AKAP13: variants seen among roughly 807,000 people sequenced by gnomAD.
AKAP13 encodes the protein A-kinase anchor protein 13.
In AKAP13, 80 loss-of-function variants were observed where a neutral mutation model predicts 264.5. That is an observed-to-expected ratio of 0.30 (90% CI 0.25 to 0.36). The LOEUF is 0.36. AKAP13 is among the 10% of genes least tolerant of loss of function. The pLI, the probability that AKAP13 is intolerant of heterozygous loss-of-function variation, is 1.00. For synonymous variants in AKAP13, 1,380 were observed against 1,250.2 expected (o/e 1.10, Z -2.19); for missense variants, 3,712 against 3,435.2 (o/e 1.08, Z -2.01).
At chr15:85,719,726 G>A (rs530722122) in intron 23 of AKAP13, among the ~76,000 whole-genome samples, 2 of 152,042 alleles carry the variant, frequency 1.3e-5, no homozygotes, top group South Asian at 4.2e-4. Context: ...CTTGAGGTCA[G>A]GAGTTCAAGA....
intron 5 of AKAP13, among the ~76,000 whole-genome samples, chr15:85,545,102 G>A (rs1052066587): frequency 6.6e-6 from 1 of 152,116 alleles, no homozygotes; most frequent in Non-Finnish European, 1.5e-5. Context: ...TGGTAGGAGG[G>A]GCACTTATCT....
chr15:85,712,168 T>G (rs143095422), intron 19 of AKAP13, among the ~76,000 whole-genome samples: 13 of 152,244 alleles, frequency 8.5e-5, no homozygotes, highest in African/African-American at 3.1e-4. Flanking sequence ...CAGGTGATTC[T>G]GATGCCCACT....
intron 14 of AKAP13, among the ~76,000 whole-genome samples, chr15:85,673,626 T>A (rs1158513152): frequency 6.6e-6 from 1 of 151,466 alleles, no homozygotes; most frequent in Admixed American, 6.6e-5. Flanking sequence ...TTTTCACATG[T>A]ATAGAATTCA....
intron 8 of AKAP13, among the ~76,000 whole-genome samples, chr15:85,586,903 G>A (rs1161526283): frequency 4.7e-5 from 7 of 149,326 alleles, no homozygotes; most frequent in Admixed American, 1.3e-4. Flanking sequence ...ACTGTAGCCT[G>A]GGCGACAGAG....
chr15:85,585,935 T>TG, intron 8 of AKAP13, 112 bp downstream of exon 8: 1 of 1,382,208 alleles, frequency 7.2e-7, no homozygotes, highest in Non-Finnish European at 9.9e-7. Context: ...AATAGTATTT[T>TG]CCCCCTTCCC....
intron 17 of AKAP13, among the ~76,000 whole-genome samples, chr15:85,696,363 C>T (rs979638004): frequency 6.6e-6 from 1 of 152,132 alleles, no homozygotes; most frequent in Non-Finnish European, 1.5e-5. Flanking sequence ...AAGAATACCC[C>T]GCTCCCTTAA....
At chr15:85,654,555 G>A (rs1175375501) in intron 10 of AKAP13, among the ~76,000 whole-genome samples, 2 of 152,040 alleles carry the variant, frequency 1.3e-5, no homozygotes, top group Admixed American at 6.6e-5. Flanking sequence ...GGCTGGTCAC[G>A]GTGGCTCAAA....
intron 9 of AKAP13, 104 bp from the exon 10 acceptor site, chr15:85,645,714 A>G (rs1015609403): frequency 1.6e-6 from 2 of 1,225,504 alleles, no homozygotes; most frequent in African/African-American, 3.1e-5. Context: ...TGAGAGAGAG[A>G]TTTAAAAGAC....
chr15:85,467,114 A>C (rs10520589), intron 1 of AKAP13, among the ~76,000 whole-genome samples: 13,539 of 151,670 alleles, frequency 0.089, 1,010 homozygotes, highest in Admixed American at 0.26. Flanking sequence ...ATGTAACTCA[A>C]TCATCCGTGT....
intron 16 of AKAP13, 67 bp downstream of exon 16, chr15:85,684,940 C>A (rs967068589): frequency 1.7e-5 from 25 of 1,510,342 alleles, no homozygotes; most frequent in Admixed American, 2.0e-5. Flanking sequence ...TGCATTCACA[C>A]CAAAACTGGT....
chr15:85,438,786 T>A (rs546300474), intron 1 of AKAP13, among the ~76,000 whole-genome samples: 1 of 152,124 alleles, frequency 6.6e-6, no homozygotes. Flanking sequence ...TGAAATTGAA[T>A]CCCTTCCTTA....
intron 14 of AKAP13, among the ~76,000 whole-genome samples, chr15:85,678,628 G>T (rs1021137005): frequency 1.3e-5 from 2 of 152,188 alleles, no homozygotes; most frequent in African/African-American, 4.8e-5. Context: ...TTGGGAGGCC[G>T]AGGCGGGCGG....
chr15:85,642,746 G>A (rs1311543474), intron 9 of AKAP13, among the ~76,000 whole-genome samples: 1 of 152,164 alleles, frequency 6.6e-6, no homozygotes, highest in East Asian at 1.9e-4. Context: ...TCCTCCCAGG[G>A]CTGAATCTGG....
At chr15:85,405,544 G>A (rs2071621296) in intron 1 of AKAP13, among the ~76,000 whole-genome samples, 1 of 152,172 alleles carries the variant, frequency 6.6e-6, no homozygotes, top group Non-Finnish European at 1.5e-5. Context: ...CTTACTATGT[G>A]CTAGATGCTG....
chr15:85,445,936 A>G (rs2073883429), intron 1 of AKAP13, among the ~76,000 whole-genome samples: 1 of 152,234 alleles, frequency 6.6e-6, no homozygotes, highest in African/African-American at 2.4e-5. Flanking sequence ...TGGGATATCC[A>G]TCACCTCAAG....
intron 1 of AKAP13, among the ~76,000 whole-genome samples, chr15:85,455,909 G>A (rs2074266075): frequency 6.6e-6 from 1 of 152,132 alleles, no homozygotes; most frequent in Non-Finnish European, 1.5e-5. Flanking sequence ...TTTCTAGCCT[G>A]GGACTAACTC....
At chr15:85,693,478 A>G in intron 17 of AKAP13, 27 bp downstream of exon 17, 2 of 1,608,208 alleles carry the variant, frequency 1.2e-6, no homozygotes, top group South Asian at 1.1e-5. Flanking sequence ...TTCCTCTCGT[A>G]AGATGGAACT....
chr15:85,408,431 T>C (rs1291772988), intron 1 of AKAP13, among the ~76,000 whole-genome samples: 1 of 148,662 alleles, frequency 6.7e-6, no homozygotes, highest in African/African-American at 2.5e-5. Flanking sequence ...CCATGACTCT[T>C]TTCATGTTGC....
At chr15:85,456,613 A>C (rs537019376) in intron 1 of AKAP13, among the ~76,000 whole-genome samples, 2 of 147,508 alleles carry the variant, frequency 1.4e-5, no homozygotes, top group Non-Finnish European at 3.0e-5. Flanking sequence ...GCAGTGGCGC[A>C]ATCTTGGCTC....
Sources: allele counts gnomAD v4.1 joint callset (sites outside exome capture counted in the v4.1 genomes callset), GRCh38; gene constraint gnomAD v4.1.1; transcripts MANE v1.5; gene names NCBI Gene and HGNC (gene_info 2026-07-23, HGNC 2026-07-21).